Variants in LRRC37A2 observed in about 807,000 individuals in gnomAD.
The protein encoded by LRRC37A2 is leucine-rich repeat-containing protein 37A2.
Under a neutral mutation model 68.8 loss-of-function variants are expected in LRRC37A2, and 9 were observed. The ratio of observed to expected loss-of-function variants is 0.13; its 90% CI spans 0.08 to 0.23. The LOEUF is 0.23. Among genes scored for constraint, LRRC37A2 ranks in the 10% least tolerant of loss-of-function variants. LRRC37A2 has a pLI of 1.00. For missense variants in LRRC37A2, 168 were observed against 950.4 expected, an observed-to-expected ratio of 0.18 and a Z score of 10.82; for synonymous variants, 63 against 367.6, an observed-to-expected ratio of 0.17 and a Z score of 9.48.
At chr17:46,991,681 G>A in the LRRC37A2 span, among the ~76,000 whole-genome samples, 11 of 152,204 alleles carry the variant, frequency 7.2e-5, no homozygotes, top group South Asian at 4.2e-4. Context: ...ACAAGAAAAT[G>A]ATCATTTCAT....
At chr17:46,875,207 C>T in the LRRC37A2 span, 5 of 1,614,156 alleles carry the variant, frequency 3.1e-6, no homozygotes, top group Non-Finnish European at 4.2e-6. Flanking sequence ...CCTGTGATGA[C>T]TCTCCGGGGC....
At chr17:46,863,483 G>T in the LRRC37A2 span, among the ~76,000 whole-genome samples, 2 of 152,210 alleles carry the variant, frequency 1.3e-5, no homozygotes, top group Non-Finnish European at 2.9e-5. Context: ...CTGCCATGCG[G>T]AACTGATGGT....
At chr17:46,784,930 C>T in the LRRC37A2 span, among the ~76,000 whole-genome samples, 5 of 152,124 alleles carry the variant, frequency 3.3e-5, no homozygotes, top group Non-Finnish European at 4.4e-5. Flanking sequence ...CACCCGCCAC[C>T]ATGCCCGGCT....
the LRRC37A2 span, chr17:46,764,188 G>A: frequency 6.6e-6 from 1 of 152,430 alleles, no homozygotes; most frequent in East Asian, 1.9e-4. Context: ...CCACCCTCCA[G>A]GCGTCTTGGA....
the LRRC37A2 span, chr17:46,966,392 C>T: frequency 3.6e-6 from 2 of 555,840 alleles, no homozygotes; most frequent in East Asian, 6.2e-5. Context: ...TCAAGGCCCT[C>T]AGATACCTGG....
the LRRC37A2 span, among the ~76,000 whole-genome samples, chr17:46,989,670 TTTGGCCA>T: frequency 6.7e-6 from 1 of 149,658 alleles, no homozygotes; most frequent in East Asian, 2.0e-4. Flanking sequence ...TGTGATTGGC[TTTGGCCA>T]GTGGGACAAC....
At chr17:46,995,507 T>C in the LRRC37A2 span, among the ~76,000 whole-genome samples, 1 of 95,872 alleles carries the variant, frequency 1.0e-5, no homozygotes, top group African/African-American at 3.8e-5. Context: ...TAAAACAGTC[T>C]GTGCAATTCT....
At chr17:46,904,555 AGCTG>A in the LRRC37A2 span, among the ~76,000 whole-genome samples, 1 of 150,376 alleles carries the variant, frequency 6.6e-6, no homozygotes, top group African/African-American at 2.5e-5. Context: ...ATGAACGGGT[AGCTG>A]GCTGGCTGGT....
At chr17:46,923,507 A>G in the LRRC37A2 span, 1 of 1,382,922 alleles carries the variant, frequency 7.2e-7, no homozygotes, top group South Asian at 1.8e-5. Context: ...TGGCACCTGC[A>G]GGTTATAAAA....
the LRRC37A2 span, among the ~76,000 whole-genome samples, chr17:46,712,346 AAGGGT>A: frequency 6.6e-6 from 1 of 152,168 alleles, no homozygotes; most frequent in African/African-American, 2.4e-5. Flanking sequence ...TCAGTCCTCC[AAGGGT>A]AGATGCTGCT....
the LRRC37A2 span, among the ~76,000 whole-genome samples, chr17:47,033,054 T>C: frequency 2.6e-5 from 4 of 151,644 alleles, no homozygotes; most frequent in East Asian, 7.7e-4. Context: ...CTGTCTCTAC[T>C]AAAAATACAA....
the LRRC37A2 span, among the ~76,000 whole-genome samples, chr17:46,657,384 A>T: frequency 2.6e-5 from 4 of 152,236 alleles, no homozygotes; most frequent in Non-Finnish European, 5.9e-5. Flanking sequence ...TGAGAAACTA[A>T]TAGACAAGGT....
At chr17:46,782,590 A>ATTGGCAGATTGTCAGGACAG in the LRRC37A2 span, among the ~76,000 whole-genome samples, 1 of 152,372 alleles carries the variant, frequency 6.6e-6, no homozygotes, top group South Asian at 2.1e-4. Context: ...ACTTAGGTCA[A>ATTGGCAGATTGTCAGGACAG]GAAGCCGTTC....
At chr17:46,995,521 GA>G in the LRRC37A2 span, among the ~76,000 whole-genome samples, 106,385 of 151,988 alleles carry the variant, frequency 0.7, 37,863 homozygotes, top group Middle Eastern at 0.78. Context: ...CAATTCTGGG[GA>G]AAAAAAGGAG....
chr17:46,455,972 G>A, the LRRC37A2 span, among the ~76,000 whole-genome samples: 1 of 107,038 alleles, frequency 9.3e-6, no homozygotes, highest in East Asian at 2.5e-4. Flanking sequence ...CCATCACAAT[G>A]TGTTGCCCAG....
chr17:46,746,044 T>C, the LRRC37A2 span, among the ~76,000 whole-genome samples: 2 of 152,196 alleles, frequency 1.3e-5, no homozygotes, highest in African/African-American at 4.8e-5. Context: ...CACGTGTTTC[T>C]TCCCTCTACC....
chr17:47,022,029 TGCCCC>T, the LRRC37A2 span: 1 of 1,036,662 alleles, frequency 9.6e-7, no homozygotes, highest in South Asian at 1.4e-5. Flanking sequence ...TTCTCCTCCA[TGCCCC>T]AAATCAACCA....
At chr17:47,013,659 T>C in the LRRC37A2 span, among the ~76,000 whole-genome samples, 1 of 152,200 alleles carries the variant, frequency 6.6e-6, no homozygotes, top group Non-Finnish European at 1.5e-5. Flanking sequence ...AATGTCTCAT[T>C]GTGGGGTGCG....
chr17:46,824,227 GATGTGATTAAT>G, the LRRC37A2 span, among the ~76,000 whole-genome samples: 4 of 152,144 alleles, frequency 2.6e-5, no homozygotes, highest in African/African-American at 9.7e-5. Context: ...CCCTGACACT[GATGTGATTAAT>G]ATGTGATTAC....
Sources: gnomAD v4.1 joint callset for allele counts (sites outside exome capture counted in the v4.1 genomes callset) on GRCh38, gnomAD v4.1.1 for gene constraint, MANE v1.5 for transcripts, NCBI Gene and HGNC (gene_info 2026-07-23, HGNC 2026-07-21) for gene names.